PRELID2: variants seen among roughly 807,000 people sequenced by gnomAD.
PRELID2 encodes the protein PRELI domain-containing protein 2.
PRELID2 carries 25 observed loss-of-function variants against 28.4 expected under a neutral mutation model. That is an observed-to-expected ratio of 0.88 (90% confidence interval 0.64 to 1.23). The LOEUF is 1.23. Ranked by LOEUF, PRELID2 falls within the 50% of genes most tolerant of loss-of-function variation. PRELID2 has a pLI of 0.00. For missense variants in PRELID2, 201 were observed against 214.4 expected (o/e 0.94, Z 0.39); for synonymous variants, 76 against 71.6 (o/e 1.06, Z -0.31).
rs1452203323 is a variant in PRELID2, at chr5:145,756,448, C to A, written c.*4088G>T. On this transcript the variant is annotated 3_prime_UTR_variant, in exon 7 of 7. Transcript: ENST00000683046. ...CAATAACACTGAATCAGAAACACTT[C>A]ATCCCACATAAAAATTTGGCCTGAT... Among the ~76,000 whole-genome samples, 1 of 152,212 alleles carries A rather than the reference C, an allele frequency of 6.6e-6. No individual in the cohort carries two copies. Among genetic ancestry groups the A allele is most frequent in the Non-Finnish European group, 1.5e-5 (1 of 68,032 alleles).
chr5:145,254,343 A>T, the PRELID2 span, among the ~76,000 whole-genome samples: 3 of 152,054 alleles, frequency 2.0e-5, no homozygotes, highest in Non-Finnish European at 4.4e-5. Flanking sequence ...TGTTATTACT[A>T]CTCTGAGGGA....
intron 1 of PRELID2, among the ~76,000 whole-genome samples, chr5:145,708,374 T>C (rs1399979265): frequency 6.6e-6 from 1 of 152,210 alleles, no homozygotes; most frequent in African/African-American, 2.4e-5. Flanking sequence ...TTAACCTCTC[T>C]GGGAACCAGT....
At chr5:145,231,245 G>C in the PRELID2 span, among the ~76,000 whole-genome samples, 3 of 151,022 alleles carry the variant, frequency 2.0e-5, no homozygotes, top group Non-Finnish European at 4.4e-5. Flanking sequence ...CATGACTTTT[G>C]ACATTATATT....
At chr5:145,817,421 T>TTATATATATATATATATATATATA (rs6149278) in intron 4 of PRELID2, among the ~76,000 whole-genome samples, 23 of 103,588 alleles carry the variant, frequency 2.2e-4, no homozygotes, top group African/African-American at 7.7e-4. Flanking sequence ...TAAGCTAGTT[T>TTATATATATATATATATATATATA]TATATATATA....
Position 145,820,016 on chromosome 5 carries a change from C to A in PRELID2, c.136G>T (p.Glu46Ter), listed in dbSNP as rs1754652944. Reference sequence around the variant, plus strand: ...TTTCTGTAGATGACCCCTGTTGATTCATCTAAAAAAGAAATTTTTTTACAC... The same window carrying A: ...TTTCTGTAGATGACCCCTGTTGATTAATCTAAAAAAGAAATTTTTTTACAC... ...SVKIMEEKRDESTGVIYRKRI... is the reference protein window; with the variant it reads ...SVKIMEEKRD The change falls in exon 3 of 7, where the codon GAA becomes TAA. Residue 46 changes from glutamate (E) to a stop codon, truncating the protein, a stop_gained and splice_region_variant. Transcript: ENST00000683046. LOFTEE classifies it high-confidence loss of function. 2 of 1,572,540 alleles carry A rather than the reference C, an allele frequency of 1.3e-6. No individual in the cohort carries two copies. Among genetic ancestry groups the A allele is most frequent in the Non-Finnish European group, 1.7e-6 (2 of 1,158,608 alleles).
chr5:145,255,051 C>G, the PRELID2 span, among the ~76,000 whole-genome samples: 1 of 152,098 alleles, frequency 6.6e-6, no homozygotes, highest in African/African-American at 2.4e-5. Context: ...CACCCTGCCA[C>G]CCCTCACACA....
the PRELID2 span, among the ~76,000 whole-genome samples, chr5:145,262,321 A>C: frequency 1.3e-5 from 2 of 152,168 alleles, no homozygotes; most frequent in African/African-American, 4.8e-5. Context: ...ATCCAAATAC[A>C]AGAAGCTCAA....
chr5:145,543,548 T>G (rs1044642205), intron 1 of PRELID2, among the ~76,000 whole-genome samples: 1 of 152,130 alleles, frequency 6.6e-6, no homozygotes, highest in Non-Finnish European at 1.5e-5. Context: ...TATTCAAATT[T>G]AAGTGATCAC....
chr5:145,824,121 C>T (rs1159483096), intron 1 of PRELID2, among the ~76,000 whole-genome samples: 1 of 152,034 alleles, frequency 6.6e-6, no homozygotes, highest in Non-Finnish European at 1.5e-5. Context: ...AAGAGAGACA[C>T]TGGGAGCAGA....
At chr5:145,469,600 C>A (rs1752033194), downstream of PRELID2, among the ~76,000 whole-genome samples, 1 of 151,948 alleles carries the variant, frequency 6.6e-6, no homozygotes, top group Non-Finnish European at 1.5e-5. Flanking sequence ...TATTCCAAAG[C>A]AAAAAGGCAG....
chr5:145,743,713 C>G (rs1307969986), intron 1 of PRELID2, among the ~76,000 whole-genome samples: 1 of 152,190 alleles, frequency 6.6e-6, no homozygotes, highest in Admixed American at 6.5e-5. Context: ...GGCGAAACCA[C>G]GCTACAGAGG....
chr5:145,238,965 CT>C, the PRELID2 span, among the ~76,000 whole-genome samples: 2 of 151,898 alleles, frequency 1.3e-5, no homozygotes, highest in Admixed American at 1.3e-4. Flanking sequence ...CTATCTGTCT[CT>C]ATCTATCTAT....
chr5:145,377,344 G>A, the PRELID2 span, among the ~76,000 whole-genome samples: 5 of 152,130 alleles, frequency 3.3e-5, no homozygotes, highest in African/African-American at 1.2e-4. Context: ...CAGATAAGAA[G>A]AATGTGTGTT....
At chr5:145,418,739 T>TA in the PRELID2 span, among the ~76,000 whole-genome samples, 2 of 152,004 alleles carry the variant, frequency 1.3e-5, no homozygotes, top group Non-Finnish European at 2.9e-5. Context: ...CAAATTTTTT[T>TA]TTATTATACT....
At chr5:145,255,475 A>G in the PRELID2 span, among the ~76,000 whole-genome samples, 1 of 152,126 alleles carries the variant, frequency 6.6e-6, no homozygotes, top group African/African-American at 2.4e-5. Flanking sequence ...ACTGGAATAC[A>G]GTGAAAAGAA....
At chr5:145,678,924 G>A (rs757717490) in intron 1 of PRELID2, among the ~76,000 whole-genome samples, 1 of 152,158 alleles carries the variant, frequency 6.6e-6, no homozygotes, top group Non-Finnish European at 1.5e-5. Context: ...TCTCAAGTGC[G>A]AGAAAATTCA....
chr5:145,258,654 A>G, the PRELID2 span, among the ~76,000 whole-genome samples: 1 of 152,224 alleles, frequency 6.6e-6, no homozygotes, highest in African/African-American at 2.4e-5. Flanking sequence ...TTCATATGCA[A>G]GAGCAAAGAA....
At position 145,490,999 on chromosome 5, in the gene PRELID2, A is replaced by C. The variant is rs192598393; in HGVS notation, n.71-17684T>G. ...TCTGCTCCTACCAACACCTGTCTTC[A>C]AAACTTCTTCTGTATCTCCTATATT... On this transcript the variant is annotated intron_variant and non_coding_transcript_variant, in intron 1 of 2. Transcript: ENST00000510259. 3.3e-5 allele frequency among the ~76,000 whole-genome samples: 5 copies of C among 149,968 alleles called. No individual in the cohort carries two copies. The East Asian group carries it at 9.8e-4, about 29-fold the overall frequency.
the PRELID2 span, among the ~76,000 whole-genome samples, chr5:145,270,448 C>T: frequency 6.6e-6 from 1 of 152,038 alleles, no homozygotes; most frequent in Non-Finnish European, 1.5e-5. Flanking sequence ...ACCTCAAAAA[C>T]ATGCTGAGTG....
Sources: allele counts gnomAD v4.1 joint callset (sites outside exome capture counted in the v4.1 genomes callset), GRCh38; gene constraint gnomAD v4.1.1; transcripts MANE v1.5; gene names NCBI Gene and HGNC (gene_info 2026-07-23, HGNC 2026-07-21).